The following ACTN1 variants were observed in gnomAD, a reference collection of about 807,000 sequenced individuals.
The protein encoded by ACTN1 is alpha-actinin-1.
ACTN1 carries 30 observed loss-of-function variants against 119.6 expected under a neutral mutation model. The ratio of observed to expected loss-of-function variants is 0.25; its 90% CI spans 0.19 to 0.34. The LOEUF is 0.34. Ranked by LOEUF, ACTN1 falls within the 10% of genes least tolerant of loss-of-function variation. The pLI is 1.00. For missense variants in ACTN1, 764 were observed against 1,223.4 expected, an observed-to-expected ratio of 0.62 and a Z score of 5.60; for synonymous variants, 429 against 472.6, an observed-to-expected ratio of 0.91 and a Z score of 1.20.
chr14:68,878,666 A>G lies in ACTN1; in HGVS notation c.2362-143T>C, dbSNP rs2031169884. On this transcript the variant is annotated intron_variant, in intron 19 of 21. Transcript: ENST00000394419. The surrounding 1 kb of genome is among the most constrained non-coding windows in gnomAD (Gnocchi z 4.4). The stretch of plus-strand genomic sequence containing the variant: ...TTTGGGGGTCAGGATAGGTAAAGGA[A>G]CATAGGAGAAGATGCGAACACACAT... 1.3e-6 allele frequency: 2 copies of G among 1,544,418 alleles called. No homozygotes were observed. The highest frequency in any genetic ancestry group is 2.7e-5 in the African/African-American group (2 of 73,260).
intron 1 of ACTN1, among the ~76,000 whole-genome samples, chr14:68,949,110 T>C (rs187666478): frequency 1.3e-5 from 2 of 152,334 alleles, no homozygotes; most frequent in African/African-American, 4.8e-5. Context: ...GTCTCTGTAA[T>C]TAACGGGCCA....
intron 8 of ACTN1, among the ~76,000 whole-genome samples, chr14:68,895,553 G>A (rs1340234636): frequency 5.3e-5 from 8 of 152,104 alleles, no homozygotes; most frequent in South Asian, 2.1e-4. Flanking sequence ...AGAGAGACCC[G>A]CGTGTCCTCC....
intron 1 of ACTN1, among the ~76,000 whole-genome samples, chr14:68,936,083 T>C (rs1204957522): frequency 6.7e-6 from 1 of 149,968 alleles, no homozygotes; most frequent in East Asian, 2.1e-4. Flanking sequence ...CCTCCTACCT[T>C]GCAGGCTGGA....
In ACTN1 at chr14:68,909,311, C is replaced by T. The variant is rs571160207; in HGVS notation, c.594+7G>A. 8 of 1,613,834 alleles carry T rather than the reference C, an allele frequency of 5.0e-6. No homozygotes were observed. Among genetic ancestry groups the T allele is most frequent in the South Asian group, 4.4e-5 (4 of 91,074 alleles). On this transcript the variant is annotated splice_region_variant and intron_variant, in intron 6 of 21. Coordinates refer to ENST00000394419, the MANE Select transcript of ACTN1 (RefSeq NM_001130004.2). This position sits in a 1 kb window ranked among gnomAD's most constrained non-coding sequence, Gnocchi z 4.1. The stretch of plus-strand genomic sequence containing the variant: ...CCCAAAGCGGGTGGTCAGGTGGGCA[C>T]ACATACCTTCCGCAGCTTCCCGTAG...
Position 68,882,370 on chromosome 14 carries a change from C to T in ACTN1, c.1953+88G>A. The T allele has an allele frequency of 4.5e-6, 7 of 1,558,484 alleles. No individual in the cohort carries two copies. The highest frequency in any genetic ancestry group is 6.1e-6 in the Non-Finnish European group (7 of 1,147,062). On this transcript the variant is annotated intron_variant, in intron 16 of 21. Coordinates refer to ENST00000394419, the MANE Select transcript of ACTN1 (RefSeq NM_001130004.2). This position sits in a 1 kb window ranked among gnomAD's most constrained non-coding sequence, Gnocchi z 4.5. ...GGGCCTCAGTCCTCCATGGGTCCCA[C>T]CCAGGGAGACAGGCAGCCTGGCTGG...
intron 6 of ACTN1, among the ~76,000 whole-genome samples, chr14:68,906,451 T>C (rs2033673614): frequency 6.6e-6 from 1 of 152,092 alleles, no homozygotes; most frequent in South Asian, 2.1e-4. Context: ...ATCCAGGATG[T>C]TTTCAGGAGG....
Position 68,910,062 on chromosome 14 carries a change from CA to C in ACTN1, c.428-21del, listed in dbSNP as rs2033912464. 4 of 1,605,512 alleles carry C rather than the reference CA, an allele frequency of 2.5e-6. No homozygotes were observed. The East Asian group carries it at 8.9e-5, about 36-fold the overall frequency. On this transcript the variant is annotated intron_variant, in intron 4 of 21. Coordinates refer to ENST00000394419, the MANE Select transcript of ACTN1 (RefSeq NM_001130004.2). Reference sequence around the variant, plus strand: ...AAGTCTCTATGGGGAAGGGGATGGGCAGCGAGGTCAGAGGGCTGACTCGGTG... The same window carrying C: ...AAGTCTCTATGGGGAAGGGGATGGGCGCGAGGTCAGAGGGCTGACTCGGTG...
intron 6 of ACTN1, among the ~76,000 whole-genome samples, chr14:68,906,992 G>C (rs540284319): frequency 2.2e-4 from 33 of 152,040 alleles, no homozygotes; most frequent in Admixed American, 1.2e-3. Flanking sequence ...CAGAAGGGGG[G>C]CTGGGCGCGG....
rs375198980 is a variant in ACTN1, at chr14:68,955,299, C to G, written c.105+23653G>C. The stretch of plus-strand genomic sequence containing the variant: ...ATTGCCTGGGAATGTCTCAAGGGAG[C>G]TGTCTGAGTCTATCCCAGCAAAACA... On this transcript the variant is annotated intron_variant, in intron 1 of 21. Transcript: ENST00000394419. Among the ~76,000 whole-genome samples, 31 of 152,328 alleles carry G rather than the reference C, an allele frequency of 2.0e-4. No individual in the cohort carries two copies. The East Asian group carries it at 5.8e-3, about 28-fold the overall frequency.
intron 3 of ACTN1, among the ~76,000 whole-genome samples, chr14:68,916,634 T>G (rs1437175275): frequency 1.3e-5 from 2 of 152,154 alleles, no homozygotes; most frequent in African/African-American, 4.8e-5. Flanking sequence ...TTCTCAACGT[T>G]TGCAGCAGGG....
At chr14:68,881,057 C>G (rs963976342) in intron 16 of ACTN1, 68 bp from the exon 17 acceptor site, 2 of 1,490,926 alleles carry the variant, frequency 1.3e-6, no homozygotes, top group East Asian at 4.6e-5. Flanking sequence ...GGGACTGGGG[C>G]CTCCAAAATC....
In ACTN1 at chr14:68,956,272, C is replaced by A. The variant is rs143471953; in HGVS notation, c.105+22680G>T. Among the ~76,000 whole-genome samples the A allele has an allele frequency of 8.4e-4, 128 of 152,252 alleles. No individual in the cohort carries two copies. In the East Asian group the frequency reaches 0.021, roughly 25 times the overall value. On this transcript the variant is annotated intron_variant, in intron 1 of 21. Coordinates refer to ENST00000394419, the MANE Select transcript of ACTN1 (RefSeq NM_001130004.2). ...CTTAAGTCCAGGAGTTTGAGACCCA[C>A]CTGGGCAACATGGTGAGACCCTGTC...
intron 1 of ACTN1, among the ~76,000 whole-genome samples, chr14:68,944,870 G>A (rs745632243): frequency 5.3e-5 from 8 of 151,672 alleles, no homozygotes; most frequent in Non-Finnish European, 1.0e-4. Flanking sequence ...TGTGTGGGGC[G>A]GGTAGCTGTA....
rs71102619 is a variant in ACTN1 at position 68,932,539 on chromosome 14, T to TTTTTTTTA, written c.106-6868_106-6867insTAAAAAAA. ...TTTTTTTTTTTTTTTTTTTTTTTTT[T>TTTTTTTTA]AATTTTTCTTGGAGACTGGGTCTCT... On this transcript the variant is annotated intron_variant, in intron 1 of 21. Transcript: ENST00000394419. 1.7e-5 allele frequency among the ~76,000 whole-genome samples: 2 copies of TTTTTTTTA among 117,150 alleles called. 1 individual carries two copies. The highest frequency in any genetic ancestry group is 3.4e-5 in the Non-Finnish European group (2 of 59,002). The allele number at this position is 117,150 out of a possible 152,430, so 76.9% of individuals were successfully genotyped here. A position where few individuals can be genotyped will look rare whatever the true frequency, so the allele number is the denominator to read the frequency against.
chr14:68,899,869 C>T (rs1444585509), intron 8 of ACTN1, among the ~76,000 whole-genome samples: 3 of 152,190 alleles, frequency 2.0e-5, no homozygotes, highest in African/African-American at 7.2e-5. Context: ...AGGTGCACAC[C>T]CGTGGCTATT....
intron 1 of ACTN1, among the ~76,000 whole-genome samples, chr14:68,926,105 T>C (rs1390603620): frequency 6.6e-6 from 1 of 152,140 alleles, no homozygotes; most frequent in Non-Finnish European, 1.5e-5. Flanking sequence ...TTAGGGTAAA[T>C]TAGTATATTA....
At chr14:68,893,192 T>C (rs994973080) in intron 9 of ACTN1, among the ~76,000 whole-genome samples, 1 of 152,180 alleles carries the variant, frequency 6.6e-6, no homozygotes, top group African/African-American at 2.4e-5. Context: ...AACCCAGCAC[T>C]GTGCCATCCT....
At chr14:68,875,806 CA>C (rs1346772819) in intron 21 of ACTN1, among the ~76,000 whole-genome samples, 1 of 152,226 alleles carries the variant, frequency 6.6e-6, no homozygotes, top group African/African-American at 2.4e-5. Context: ...TCCTCCTCTA[CA>C]AAATTAGCCA....
chr14:68,966,928 T>C lies in ACTN1; in HGVS notation c.105+12024A>G, dbSNP rs568465382. On this transcript the variant is annotated intron_variant, in intron 1 of 21. Transcript: ENST00000394419. ...GGAAGGGGCAGGATGAAGAGGGACA[T>C]GTCAGTATGGCCAGCACCTTGGAAT... 1.3e-4 allele frequency among the ~76,000 whole-genome samples: 20 copies of C among 152,276 alleles called. No homozygotes were observed. In the South Asian group the frequency reaches 3.9e-3, roughly 30 times the overall value.
Sources: allele counts gnomAD v4.1 joint callset (sites outside exome capture counted in the v4.1 genomes callset), GRCh38; gene constraint gnomAD v4.1.1; non-coding constraint Gnocchi (gnomAD v3.1); transcripts MANE v1.5; gene names NCBI Gene and HGNC (gene_info 2026-07-23, HGNC 2026-07-21).